DYNC2LI1: variants seen among roughly 807,000 people sequenced by gnomAD.
DYNC2LI1 encodes the protein cytoplasmic dynein 2 light intermediate chain 1.
In DYNC2LI1, 45 loss-of-function variants were observed where a neutral mutation model predicts 51.9. The observed-to-expected ratio is 0.87, with a 90% confidence interval of 0.68 to 1.11. The LOEUF is 1.11. DYNC2LI1 is among the 50% of genes most tolerant of loss of function. The probability of loss-of-function intolerance (pLI) is 0.00; values close to 1 mark genes in which losing one functional copy is unlikely to be tolerated. For missense variants in DYNC2LI1, 490 were observed against 417.4 expected (o/e 1.17, Z -1.51); for synonymous variants, 130 against 137.8 (o/e 0.94, Z 0.40).
At chr2:43,791,782 A>G (rs1283690838) in intron 5 of DYNC2LI1, among the ~76,000 whole-genome samples, 2 of 152,246 alleles carry the variant, frequency 1.3e-5, no homozygotes, top group East Asian at 3.8e-4. Flanking sequence ...TTATAGAATT[A>G]TAAATGCATT....
chr2:43,796,851 TCAG>T lies in DYNC2LI1; in HGVS notation c.654+59_654+61del, dbSNP rs968079010. ...ATGGACAGTACCAAATTTGGGGAAA[TCAG>T]CAACTTGATGCACAGCTACGAGGAA... On this transcript the variant is annotated intron_variant, in intron 8 of 12. Coordinates refer to ENST00000260605, the MANE Select transcript of DYNC2LI1 (RefSeq NM_016008.4). 16 of 1,362,720 alleles carry T rather than the reference TCAG, an allele frequency of 1.2e-5. No homozygotes were observed. In the African/African-American group the frequency reaches 2.3e-4, roughly 20 times the overall value. 84.4% of individuals were successfully genotyped at this position (1,362,720 alleles called of 1,614,324 possible).
chr2:43,791,272 G>T (rs546688823), intron 5 of DYNC2LI1, among the ~76,000 whole-genome samples: 2 of 152,200 alleles, frequency 1.3e-5, no homozygotes, highest in South Asian at 4.2e-4. Flanking sequence ...CAGTTACAGT[G>T]GCCAGAGGCT....
intron 2 of DYNC2LI1, among the ~76,000 whole-genome samples, chr2:43,777,332 A>T (rs1673070780): frequency 6.6e-6 from 1 of 152,204 alleles, no homozygotes; most frequent in Admixed American, 6.5e-5. Context: ...TGGGGAAAAT[A>T]TGGCAGCATT....
intron 10 of DYNC2LI1, among the ~76,000 whole-genome samples, chr2:43,802,814 C>G (rs1428248349): frequency 6.6e-6 from 1 of 152,050 alleles, no homozygotes; most frequent in African/African-American, 2.4e-5. Context: ...AATATATAAA[C>G]TCAACAGAAA....
intron 4 of DYNC2LI1, among the ~76,000 whole-genome samples, chr2:43,788,263 C>G (rs1000153962): frequency 6.6e-6 from 1 of 152,114 alleles, no homozygotes; most frequent in African/African-American, 2.4e-5. Flanking sequence ...ATATGAACAG[C>G]CAAACAATTG....
At chr2:43,821,373 A>G in the DYNC2LI1 span, among the ~76,000 whole-genome samples, 3 of 152,136 alleles carry the variant, frequency 2.0e-5, no homozygotes, top group Non-Finnish European at 2.9e-5. Context: ...TAATTAGCGA[A>G]TCTCAATTCC....
At chr2:43,775,480 TTTTC>T (rs542202507) in intron 1 of DYNC2LI1, among the ~76,000 whole-genome samples, 7 of 148,866 alleles carry the variant, frequency 4.7e-5, no homozygotes, top group Non-Finnish European at 7.4e-5. Context: ...TAGGGTTTTT[TTTTC>T]TTTCTTTCTT....
the DYNC2LI1 span, among the ~76,000 whole-genome samples, chr2:43,816,907 A>G: frequency 2.6e-5 from 4 of 152,204 alleles, no homozygotes; most frequent in African/African-American, 2.4e-5. Context: ...TCTTCCCCCA[A>G]GAACTTGCAT....
Position 43,796,770 on chromosome 2 carries a change from C to T in DYNC2LI1, c.629C>T (p.Ala210Val), listed in dbSNP as rs1479118227. 2 of 1,613,408 alleles carry T rather than the reference C, an allele frequency of 1.2e-6. No individual in the cohort carries two copies. The highest frequency in any genetic ancestry group is 1.7e-6 in the Non-Finnish European group (2 of 1,179,694). Residue 210 changes from alanine (A) to valine (V), a missense_variant, in exon 8 of 13, where the codon GCA (alanine) becomes GTA (valine). Coordinates refer to ENST00000260605, the MANE Select transcript of DYNC2LI1 (RefSeq NM_016008.4). ...ATATGCAAGACACTTCGATTTGTTG[C>T]ACATTATTATGGAGCATCATTAATG... ...KVICKTLRFV[A>V]HYYGASLMFT...
At chr2:43,828,042 C>G in the DYNC2LI1 span, 1 of 1,613,982 alleles carries the variant, frequency 6.2e-7, no homozygotes, top group Non-Finnish European at 8.5e-7. Flanking sequence ...CGTGGAAATG[C>G]CCCCCAAGCT....
chr2:43,778,545 A>G (rs184864428), intron 2 of DYNC2LI1, among the ~76,000 whole-genome samples: 2 of 152,362 alleles, frequency 1.3e-5, no homozygotes, highest in African/African-American at 2.4e-5. Flanking sequence ...TCTTACTGCC[A>G]TGTAGGTACA....
At chr2:43,813,552 T>G (rs1351547158), downstream of DYNC2LI1, among the ~76,000 whole-genome samples, 3 of 152,166 alleles carry the variant, frequency 2.0e-5, no homozygotes, top group African/African-American at 7.2e-5. Context: ...ATAAAAATCA[T>G]GATCCCTTAG....
the DYNC2LI1 span, among the ~76,000 whole-genome samples, chr2:43,816,252 G>C: frequency 6.6e-6 from 1 of 152,236 alleles, no homozygotes; most frequent in Non-Finnish European, 1.5e-5. Flanking sequence ...TGGCTGCTGA[G>C]AGGGTCTAAA....
At chr2:43,799,940 A>T (rs1244032110) in intron 8 of DYNC2LI1, among the ~76,000 whole-genome samples, 2 of 152,208 alleles carry the variant, frequency 1.3e-5, no homozygotes, top group East Asian at 1.9e-4. Flanking sequence ...TCATTTGAAT[A>T]CTTTCTCTGA....
chr2:43,821,056 T>A, the DYNC2LI1 span, among the ~76,000 whole-genome samples: 1 of 152,338 alleles, frequency 6.6e-6, no homozygotes, highest in African/African-American at 2.4e-5. Flanking sequence ...GTATCTTCAA[T>A]GACCATTAGG....
At position 43,794,441 on chromosome 2, in the gene DYNC2LI1, G is replaced by A. The variant is rs1388957461; in HGVS notation, c.321-16G>A. On this transcript the variant is annotated splice_polypyrimidine_tract_variant and intron_variant, in intron 5 of 12. Coordinates refer to ENST00000260605, the MANE Select transcript of DYNC2LI1 (RefSeq NM_016008.4). ...TTATTTTGAGTCTTTTTTGAAAAGT[G>A]TTTTTATTTCTTTAGGACGTTTTCT... 1.9e-6 allele frequency: 3 copies of A among 1,584,812 alleles called. No homozygotes were observed. Among genetic ancestry groups the A allele is most frequent in the Non-Finnish European group, 2.6e-6 (3 of 1,167,572 alleles).
downstream of DYNC2LI1, chr2:43,814,476 C>T (rs754944896): frequency 1.3e-6 from 2 of 1,584,582 alleles, no homozygotes; most frequent in East Asian, 4.5e-5. Flanking sequence ...AGAATACTTA[C>T]CACAAGTGAA....
chr2:43,786,445 G>C (rs958425831), intron 3 of DYNC2LI1, among the ~76,000 whole-genome samples: 6 of 152,034 alleles, frequency 3.9e-5, no homozygotes, highest in African/African-American at 1.4e-4. Context: ...GCCTCCCAAA[G>C]TGCTAGGATT....
At chr2:43,813,709 G>GTTTTTTTTTTTTTTTT (rs1214033245), downstream of DYNC2LI1, among the ~76,000 whole-genome samples, 80 of 34,058 alleles carry the variant, frequency 2.3e-3, 3 homozygotes, top group African/African-American at 4.0e-3. Context: ...TTTTTTTTTC[G>GTTTTTTTTTTTTTTTT]TTTTTTTTTT....
Sources: allele counts gnomAD v4.1 joint callset (sites outside exome capture counted in the v4.1 genomes callset), GRCh38; gene constraint gnomAD v4.1.1; transcripts MANE v1.5; gene names NCBI Gene and HGNC (gene_info 2026-07-23, HGNC 2026-07-21).